The following NIPSNAP2 variants were observed in gnomAD, a reference collection of about 807,000 sequenced individuals.
NIPSNAP2 encodes nipsnap homolog 2.
Under a neutral mutation model 48.4 loss-of-function variants are expected in NIPSNAP2, and 42 were observed. The observed-to-expected ratio is 0.87, with a 90% CI of 0.68 to 1.12. The LOEUF (loss-of-function observed/expected upper bound fraction) is 1.12. Among genes scored for constraint, NIPSNAP2 ranks in the 50% most tolerant of loss-of-function variants. NIPSNAP2 has a pLI of 0.00. For synonymous variants in NIPSNAP2, 158 were observed against 126.6 expected, an observed-to-expected ratio of 1.25 and a Z score of -1.67; for missense variants, 314 against 347.3, an observed-to-expected ratio of 0.90 and a Z score of 0.76.
At chr7:55,972,707 G>A (rs1002366804) in intron 1 of NIPSNAP2, among the ~76,000 whole-genome samples, 6 of 152,142 alleles carry the variant, frequency 3.9e-5, no homozygotes, top group Admixed American at 1.3e-4. Flanking sequence ...GGGATTACAA[G>A]CATGAGCCAC....
chr7:55,965,693 G>C (rs1786879351), intron 1 of NIPSNAP2, among the ~76,000 whole-genome samples: 1 of 151,994 alleles, frequency 6.6e-6, no homozygotes. Context: ...TAATTCTCCT[G>C]CCTCATCCTC....
chr7:55,999,370 A>G lies in NIPSNAP2; in HGVS notation c.*298A>G. 1 of 252,746 alleles carries G rather than the reference A, an allele frequency of 4.0e-6. No individual in the cohort carries two copies. The highest frequency in any genetic ancestry group is 7.4e-6 in the Non-Finnish European group (1 of 134,490). The allele number at this position is 252,746 out of a possible 1,614,324, so 15.7% of individuals were successfully genotyped here. A position where few individuals can be genotyped will look rare whatever the true frequency, so the allele number is the denominator to read the frequency against. ...AGAAGGGGTCCACGTTGAATTCTGA[A>G]TCATCTTGAAAATAAGATTCCAACC... On this transcript the variant is annotated 3_prime_UTR_variant, in exon 10 of 10. Coordinates refer to ENST00000322090, the MANE Select transcript of NIPSNAP2 (RefSeq NM_001483.3).
chr7:55,980,183 T>C lies in NIPSNAP2; in HGVS notation c.279-1290T>C, dbSNP rs577455833. The C allele has an allele frequency of 1.3e-4, 27 of 203,650 alleles. No homozygotes were observed. In the South Asian group the frequency reaches 2.1e-3, roughly 16 times the overall value. 12.6% of individuals were successfully genotyped at this position (203,650 alleles called of 1,614,324 possible). A position where few individuals can be genotyped will look rare whatever the true frequency, so the allele number is the denominator to read the frequency against. ...ATCCCATGTTATTTCTGAACATTCA[T>C]GAGTCACGCATCAGATACATTTAAT... On this transcript the variant is annotated intron_variant, in intron 3 of 9. Transcript: ENST00000322090.
intron 3 of NIPSNAP2, chr7:55,978,946 T>G (rs1198948369): frequency 6.6e-6 from 1 of 152,638 alleles, no homozygotes; most frequent in African/African-American, 2.4e-5. Flanking sequence ...TTGTAAACTT[T>G]AAGACGAAAG....
intron 1 of NIPSNAP2, chr7:55,964,951 C>T (rs1786859200): frequency 1.1e-5 from 2 of 188,240 alleles, no homozygotes; most frequent in Admixed American, 6.1e-5. Flanking sequence ...GCCCCCGAGG[C>T]TTGGCCCGGA....
At chr7:55,964,798 C>T (rs1786855907) in intron 1 of NIPSNAP2, 97 bp downstream of exon 1, 6 of 551,376 alleles carry the variant, frequency 1.1e-5, no homozygotes, top group Admixed American at 5.7e-5. Flanking sequence ...CCGGCCCTGT[C>T]CCCAGCGCGG....
chr7:55,990,025 G>A (rs1391913200), intron 7 of NIPSNAP2, among the ~76,000 whole-genome samples: 1 of 151,560 alleles, frequency 6.6e-6, no homozygotes, highest in African/African-American at 2.4e-5. Context: ...GATGGAGGCT[G>A]CAGTGAGCCA....
At chr7:55,968,407 A>G (rs1432531856) in intron 1 of NIPSNAP2, among the ~76,000 whole-genome samples, 3 of 147,054 alleles carry the variant, frequency 2.0e-5, no homozygotes, top group Non-Finnish European at 4.5e-5. Flanking sequence ...TTTTCCTGAG[A>G]CAGAGTCTCG....
chr7:55,970,680 G>A (rs79278832), intron 1 of NIPSNAP2, among the ~76,000 whole-genome samples: 6,691 of 152,040 alleles, frequency 0.044, 180 homozygotes, highest in Admixed American at 0.062. Flanking sequence ...CCCTCGCCTC[G>A]CCCTCACGGT....
chr7:55,984,570 T>C lies in NIPSNAP2; in HGVS notation c.586-277T>C, dbSNP rs192778129. Among the ~76,000 whole-genome samples the C allele has an allele frequency of 4.6e-5, 7 of 151,974 alleles. No homozygotes were observed. The East Asian group carries it at 1.4e-3, about 29-fold the overall frequency. ...CATCTCTTACTAAAAATATAAAAAA[T>C]TAGCCAGGCATGGTGGCGGGCGCCG... On this transcript the variant is annotated intron_variant, in intron 6 of 9. Transcript: ENST00000322090.
intron 8 of NIPSNAP2, among the ~76,000 whole-genome samples, chr7:55,996,298 A>AG (rs961866013): frequency 6.6e-6 from 1 of 151,754 alleles, no homozygotes; most frequent in Non-Finnish European, 1.5e-5. Flanking sequence ...AAAAAAAAAA[A>AG]AAAGAAAAGA....
rs200822666 is a variant in NIPSNAP2, at chr7:55,969,856, G to A, written c.92+5155G>A. On this transcript the variant is annotated intron_variant, in intron 1 of 9. Coordinates refer to ENST00000322090, the MANE Select transcript of NIPSNAP2 (RefSeq NM_001483.3). ...AAATTAGCCGGGCGTGGTGGTGGGCGCCTGTAGTCCCAGCTACTCAGGAGG... is the reference window on the plus strand; with the variant it reads ...AAATTAGCCGGGCGTGGTGGTGGGCACCTGTAGTCCCAGCTACTCAGGAGG... 1.1e-3 allele frequency among the ~76,000 whole-genome samples: 167 copies of A among 151,952 alleles called. 4 individuals carry two copies. In the East Asian group the frequency reaches 0.027, roughly 24 times the overall value.
At position 55,964,701 on chromosome 7, in the gene NIPSNAP2, G is replaced by C; in HGVS notation, c.92G>C (p.Arg31Pro). ...AAPCSLLPRL[R>P]TWTSSSNRSR... ...CCCTGCAGCCTCCTGCCCAGGCTCC[G>C]GTGAGCAGCGCCGCCCTTCCCGGGA... Residue 31 changes from arginine to proline, a missense_variant and splice_region_variant, in exon 1 of 10, where the codon CGG becomes CCG. Physicochemically the swap from Arg to Pro is moderately radical, Grantham distance 103. This residue lies in a region of NIPSNAP2 where 198 missense variants were observed against 185.5 expected (regional missense o/e 1.07). Transcript: ENST00000322090. The C allele has an allele frequency of 8.9e-7, 1 of 1,121,006 alleles. No individual in the cohort carries two copies. The highest frequency in any genetic ancestry group is 1.1e-6 in the Non-Finnish European group (1 of 916,778). 69.4% of individuals were successfully genotyped at this position (1,121,006 alleles called of 1,614,324 possible).
intron 1 of NIPSNAP2, 142 bp from the exon 2 acceptor site, chr7:55,977,984 C>G: frequency 1.2e-6 from 1 of 835,162 alleles, no homozygotes; most frequent in South Asian, 1.7e-5. Flanking sequence ...GGAGTGCATG[C>G]TGTTGTCATG....
At chr7:55,978,046 C>G (rs1485060131) in intron 1 of NIPSNAP2, 80 bp from the exon 2 acceptor site, 1 of 1,511,326 alleles carries the variant, frequency 6.6e-7, no homozygotes, top group Non-Finnish European at 9.0e-7. Flanking sequence ...CCTAGAATAG[C>G]TGCTCACTGT....
chr7:55,966,186 G>A (rs1215538437), intron 1 of NIPSNAP2, among the ~76,000 whole-genome samples: 1 of 152,196 alleles, frequency 6.6e-6, no homozygotes, highest in South Asian at 2.1e-4. Context: ...ACAGACAGTT[G>A]GCAGTATGAC....
chr7:55,979,954 G>A lies in NIPSNAP2; in HGVS notation c.279-1519G>A, dbSNP rs111247278. The A allele has an allele frequency of 3.1e-4, 128 of 419,552 alleles. 1 individual carries two copies. The highest frequency in any genetic ancestry group is 2.4e-3 in the African/African-American group (117 of 48,380). The allele number at this position is 419,552 out of a possible 1,614,324, so 26.0% of individuals were successfully genotyped here. On this transcript the variant is annotated intron_variant, in intron 3 of 9. Coordinates refer to ENST00000322090, the MANE Select transcript of NIPSNAP2 (RefSeq NM_001483.3). ...AAGAGGAGTGGCTACAAATCCATGC[G>A]TGACTTTGTGTTGGTGAAAAACCTG...
intron 5 of NIPSNAP2, among the ~76,000 whole-genome samples, chr7:55,982,958 A>G (rs1251265616): frequency 1.3e-5 from 2 of 151,860 alleles, no homozygotes; most frequent in African/African-American, 4.8e-5. Context: ...CCTCATCTCT[A>G]CTAAAAATAC....
intron 7 of NIPSNAP2, among the ~76,000 whole-genome samples, chr7:55,988,348 A>G (rs977532401): frequency 6.6e-6 from 1 of 152,182 alleles, no homozygotes; most frequent in Non-Finnish European, 1.5e-5. Flanking sequence ...ATGAATGCCC[A>G]TAAGCTTATG....
Sources: allele counts gnomAD v4.1 joint callset (sites outside exome capture counted in the v4.1 genomes callset), GRCh38; gene constraint gnomAD v4.1.1; regional missense constraint gnomAD v4.1.1; transcripts MANE v1.5; gene names NCBI Gene and HGNC (gene_info 2026-07-23, HGNC 2026-07-21).